Variants in SYNJ1 observed in about 807,000 individuals in gnomAD.
The protein encoded by SYNJ1 is polyphosphatidylinositol phosphatase SYNJ1.
A neutral mutation model predicts 168.2 loss-of-function variants in SYNJ1; 78 were observed. The ratio of observed to expected loss-of-function variants is 0.46; its 90% CI spans 0.39 to 0.56. The LOEUF (loss-of-function observed/expected upper bound fraction) is 0.56, where lower values mean the gene tolerates loss of function less well. SYNJ1 is among the 20% of genes least tolerant of loss of function. SYNJ1 has a pLI of 0.00. For missense variants in SYNJ1, 1,303 were observed against 1,597.6 expected, an observed-to-expected ratio of 0.82 and a Z score of 3.14; for synonymous variants, 539 against 548.6, an observed-to-expected ratio of 0.98 and a Z score of 0.24.
rs773958383 is a variant in SYNJ1 at position 32,646,381 on chromosome 21, TA to T, written c.3247+11del. On this transcript the variant is annotated intron_variant, in intron 24 of 32. Coordinates refer to ENST00000674351, the MANE Select transcript of SYNJ1 (RefSeq NM_203446.3). ...CAGGAAGCCATACAAAACTTTCAAATAAAATGCATACTCTGTGCACTGGGAG... is the reference window on the plus strand; with the variant it reads ...CAGGAAGCCATACAAAACTTTCAAATAAATGCATACTCTGTGCACTGGGAG... 3.9e-5 allele frequency: 63 copies of T among 1,609,346 alleles called. No individual in the cohort carries two copies. The highest frequency in any genetic ancestry group is 5.1e-5 in the Non-Finnish European group (60 of 1,176,750).
At position 32,701,955 on chromosome 21, in the gene SYNJ1, A is replaced by G; in HGVS notation, c.211+6T>C. ...ATGGATGAATTCTACTGAATGATAA[A>G]CTTACCAAGATTTAACCGCAGAACA... is the stretch of plus-strand genomic sequence containing the variant. On this transcript the variant is annotated splice_donor_region_variant and intron_variant, in intron 3 of 32. Coordinates refer to ENST00000674351, the MANE Select transcript of SYNJ1 (RefSeq NM_203446.3). 6.5e-7 allele frequency: 1 copy of G among 1,532,226 alleles called. No homozygotes were observed. Among genetic ancestry groups the G allele is most frequent in the South Asian group, 1.3e-5 (1 of 74,794 alleles). 94.9% of individuals were successfully genotyped at this position (1,532,226 alleles called of 1,614,324 possible). A position where few individuals can be genotyped will look rare whatever the true frequency, so the allele number is the denominator to read the frequency against.
At chr21:32,694,435 C>T (rs2042133297) in intron 5 of SYNJ1, 124 bp from the exon 6 acceptor site, 4 of 698,032 alleles carry the variant, frequency 5.7e-6, no homozygotes, top group Admixed American at 4.2e-5. Context: ...CTCTCATATA[C>T]AATTGTCCAA....
intron 2 of SYNJ1, among the ~76,000 whole-genome samples, chr21:32,717,351 T>A (rs536348055): frequency 3.1e-4 from 47 of 152,334 alleles, no homozygotes; most frequent in African/African-American, 1.1e-3. Flanking sequence ...TGTTTTAATG[T>A]CCTTGTCTAT....
In SYNJ1 at chr21:32,685,955, T is replaced by G. The variant is rs143229035; in HGVS notation, c.949-38A>C. 5.9e-3 allele frequency: 9,356 copies of G among 1,582,034 alleles called. 35 individuals carry two copies. The highest frequency in any genetic ancestry group is 7.1e-3 in the Non-Finnish European group (8,262 of 1,168,072). ...AGGCAAATATTCATCTAAATGAAAG[T>G]AAAAAGGCAAATATCCATCTAAATA... On this transcript the variant is annotated intron_variant, in intron 8 of 32. Transcript: ENST00000674351.
intron 21 of SYNJ1, among the ~76,000 whole-genome samples, chr21:32,654,346 G>GAT: frequency 6.6e-6 from 1 of 152,314 alleles, no homozygotes; most frequent in East Asian, 1.9e-4. Context: ...CAATCCCACA[G>GAT]ATATGACCAA....
chr21:32,662,689 A>G lies in SYNJ1; in HGVS notation c.2304+2224T>C, dbSNP rs116757790. 1.2e-3 allele frequency among the ~76,000 whole-genome samples: 183 copies of G among 152,348 alleles called. 1 individual carries two copies. The highest frequency in any genetic ancestry group is 4.2e-3 in the African/African-American group (174 of 41,582). On this transcript the variant is annotated intron_variant, in intron 18 of 32. Coordinates refer to ENST00000674351, the MANE Select transcript of SYNJ1 (RefSeq NM_203446.3). ...GTGGCTTTTGATTGGGAAAAAGGCT[A>G]TATGACCAAAAATAAGTATATTTGT...
chr21:32,699,083 A>G (rs1484955799), intron 4 of SYNJ1, among the ~76,000 whole-genome samples: 1 of 152,052 alleles, frequency 6.6e-6, no homozygotes. Context: ...TGAGGACTCC[A>G]GAGAAGGAAA....
At position 32,657,062 on chromosome 21, in the gene SYNJ1, C is replaced by A. The variant is rs746832641; in HGVS notation, c.2520G>T (p.Thr840=). ...AGTGCAGCAAAGTGCCTGGAGTCCA[C>A]GTGTACAGAATTTTGCTTTCATCTT... The part of the protein sequence containing the change: ...SFQDESKILY[T]WTPGTLLHYG... Residue 840 remains threonine (T), a synonymous_variant, in exon 20 of 33, where the codon ACG becomes ACT. Coordinates refer to ENST00000674351, the MANE Select transcript of SYNJ1 (RefSeq NM_203446.3). 1.9e-6 allele frequency: 3 copies of A among 1,614,138 alleles called. No individual in the cohort carries two copies. In the East Asian group the frequency reaches 6.7e-5, roughly 36 times the overall value.
At chr21:32,671,973 C>T (rs181322786) in intron 14 of SYNJ1, among the ~76,000 whole-genome samples, 341 of 142,406 alleles carry the variant, frequency 2.4e-3, no homozygotes, top group African/African-American at 8.5e-3. Flanking sequence ...GCAGGAGAAT[C>T]GTTTGAACTC....
At chr21:32,655,847 AGGCATCT>A (rs1031438636) in intron 21 of SYNJ1, among the ~76,000 whole-genome samples, 58 of 152,364 alleles carry the variant, frequency 3.8e-4, no homozygotes, top group African/African-American at 1.2e-3. Flanking sequence ...ACAAGGAAAC[AGGCATCT>A]GGTTCTGCAA....
intron 8 of SYNJ1, among the ~76,000 whole-genome samples, chr21:32,686,589 T>G (rs1461450507): frequency 6.6e-6 from 1 of 152,180 alleles, no homozygotes; most frequent in Non-Finnish European, 1.5e-5. Context: ...AATGCATCAT[T>G]CACAATTCCA....
chr21:32,688,876 T>C (rs1031539751), intron 6 of SYNJ1, among the ~76,000 whole-genome samples: 2 of 152,220 alleles, frequency 1.3e-5, no homozygotes, highest in Non-Finnish European at 2.9e-5. Context: ...ATGTGTTTTC[T>C]TCTCTACTAT....
chr21:32,650,057 A>G (rs1354725003), intron 23 of SYNJ1, 127 bp downstream of exon 23: 40 of 1,177,538 alleles, frequency 3.4e-5, no homozygotes, highest in Non-Finnish European at 4.5e-5. Flanking sequence ...GCCAAAATAC[A>G]TTCTAATTAA....
At position 32,631,811 on chromosome 21, in the gene SYNJ1, A is replaced by G. The variant is rs770158139; in HGVS notation, c.*4-10T>C. 3.1e-6 allele frequency: 5 copies of G among 1,598,468 alleles called. No homozygotes were observed. In the African/African-American group the frequency reaches 6.7e-5, roughly 22 times the overall value. ...TTCCATTTGTTTTTACCTGCAAAAG[A>G]AAGGGAGCACTGAAAAATCAGTTTA... On this transcript the variant is annotated splice_polypyrimidine_tract_variant and intron_variant, in intron 32 of 32. Transcript: ENST00000674351.
At chr21:32,713,757 T>C (rs890307725) in intron 2 of SYNJ1, among the ~76,000 whole-genome samples, 5 of 152,114 alleles carry the variant, frequency 3.3e-5, no homozygotes, top group African/African-American at 9.7e-5. Context: ...TTCCCATATG[T>C]CAACATGGAT....
chr21:32,690,798 T>C (rs2041995747), intron 6 of SYNJ1, among the ~76,000 whole-genome samples: 1 of 152,174 alleles, frequency 6.6e-6, no homozygotes, highest in Non-Finnish European at 1.5e-5. Context: ...GGCACATGCC[T>C]GTAATCCCAG....
In SYNJ1 at chr21:32,666,033, G is replaced by T. The variant is rs765857459; in HGVS notation, c.2055C>A (p.Phe685Leu). Residue 685 changes from phenylalanine to leucine, a missense_variant, in exon 17 of 33, where the codon TTC becomes TTA. By Grantham distance (22) the Phe-to-Leu change is conservative. Around this residue, in one of 2 missense-constraint regions of SYNJ1, gnomAD observed 920 missense variants for 1,208.8 expected, o/e 0.76. Coordinates refer to ENST00000674351, the MANE Select transcript of SYNJ1 (RefSeq NM_203446.3). ...RMLFHTTSLC[F>L]VCSHFAAGQS... ...GCCCTGCAGCAAAGTGGCTACAGAC[G>T]AAGCAAAGGCTGGTTGTATGGAAGA... 3 of 1,613,938 alleles carry T rather than the reference G, an allele frequency of 1.9e-6. No homozygotes were observed. The East Asian group carries it at 6.7e-5, about 36-fold the overall frequency.
At chr21:32,665,446 T>C (rs140014927) in intron 17 of SYNJ1, among the ~76,000 whole-genome samples, 227 of 152,362 alleles carry the variant, frequency 1.5e-3, no homozygotes, top group African/African-American at 4.9e-3. Flanking sequence ...GACTGCTTCC[T>C]CTGCCCTATT....
intron 9 of SYNJ1, among the ~76,000 whole-genome samples, chr21:32,685,496 G>A (rs1316333703): frequency 1.3e-5 from 2 of 151,286 alleles, no homozygotes; most frequent in Non-Finnish European, 2.9e-5. Context: ...CTACTCAGGA[G>A]GCTGAGGTGA....
Sources: allele counts gnomAD v4.1 joint callset (sites outside exome capture counted in the v4.1 genomes callset), GRCh38; gene constraint gnomAD v4.1.1; regional missense constraint gnomAD v4.1.1; transcripts MANE v1.5; gene names NCBI Gene and HGNC (gene_info 2026-07-23, HGNC 2026-07-21).